Variants in PLEC observed in about 807,000 individuals in gnomAD.
PLEC encodes the protein plectin, also known as hemidesmosomal protein 1.
In PLEC, 216 loss-of-function variants were observed where a neutral mutation model predicts 392.8. The observed-to-expected ratio is 0.55, with a 90% CI of 0.49 to 0.62. PLEC has a LOEUF of 0.62. Ranked by LOEUF, PLEC falls within the 20% of genes least tolerant of loss-of-function variation. The pLI, the probability that PLEC is intolerant of heterozygous loss-of-function variation, is 0.00. For synonymous variants in PLEC, 3,621 were observed against 2,980.6 expected, an observed-to-expected ratio of 1.21 and a Z score of -7.00; for missense variants, 6,863 against 6,563.4, an observed-to-expected ratio of 1.05 and a Z score of -1.58.
At chr8:143,961,061 A>C (rs782457429) in intron 1 of PLEC, among the ~76,000 whole-genome samples, 3 of 152,212 alleles carry the variant, frequency 2.0e-5, no homozygotes, top group Non-Finnish European at 4.4e-5. Flanking sequence ...TCGGACACAC[A>C]CTGCGCGTTT....
rs1554676310 is a variant in PLEC, at chr8:143,918,820, C to A, written c.11001G>T (p.Arg3667=). 6.2e-7 allele frequency: 1 copy of A among 1,613,222 alleles called. No individual in the cohort carries two copies. The highest frequency in any genetic ancestry group is 1.3e-5 in the African/African-American group (1 of 75,068). The change falls in exon 32 of 32, where the codon CGG becomes CGT. Residue 3667 remains arginine (R), a synonymous_variant. Transcript: ENST00000345136. ...IISLETYNLL[R]EGTRSLREAL... ...CCTCACGGAGGCTCCTGGTGCCCTC[C>A]CGGAGCAGGTTGTAGGTCTCGAGAG...
rs1309847765 is a variant in PLEC, at chr8:143,937,032, C to T, written c.382G>A (p.Gly128Ser). The change falls in exon 5 of 32, where the codon GGC (glycine) becomes AGC (serine). Residue 128 changes from glycine to serine, a missense_variant. Transcript: ENST00000345136. ...VNIRNDDIAD[G>S]NPKLTLGLIW... Reference sequence around the variant, plus strand: ...AGGCCAAGGGTCAGCTTGGGGTTGCCGTCAGCGATGTCATCATTCCTGATG... The same window carrying T: ...AGGCCAAGGGTCAGCTTGGGGTTGCTGTCAGCGATGTCATCATTCCTGATG... The T allele has an allele frequency of 8.1e-6, 13 of 1,612,992 alleles. No homozygotes were observed. The highest frequency in any genetic ancestry group is 1.7e-5 in the Admixed American group (1 of 59,990).
At position 143,920,542 on chromosome 8, in the gene PLEC, C is replaced by T. The variant is rs1822247314; in HGVS notation, c.9279G>A (p.Glu3093=). ...RAGLVGPEFH[E]KLLSAEKAVT... ...CAGCCTTCTCGGCTGATAGCAGCTT[C>T]TCATGAAACTCGGGGCCCACCAGGC... Residue 3093 remains glutamate (E), a synonymous_variant, in exon 32 of 32, where the codon GAG becomes GAA. Coordinates refer to ENST00000345136, the MANE Select transcript of PLEC (RefSeq NM_201384.3). 8 of 1,611,544 alleles carry T rather than the reference C, an allele frequency of 5.0e-6. No homozygotes were observed. The highest frequency in any genetic ancestry group is 1.1e-5 in the South Asian group (1 of 91,038).
Position 143,919,666 on chromosome 8 carries a change from A to G in PLEC, c.10155T>C (p.Ala3385=), listed in dbSNP as rs1554678983. The stretch of plus-strand genomic sequence containing the variant: ...CCGCCTGCGCCTCCAGCAGGAGCGC[A>G]GCCGTTGTGGCTCTCAGCAGGCCCC... The part of the protein sequence containing the change: ...MRRGLLRATT[A]ALLLEAQAAT... The change falls in exon 32 of 32, where the codon GCT becomes GCC. Residue 3385 remains alanine (A), a synonymous_variant. Coordinates refer to ENST00000345136, the MANE Select transcript of PLEC (RefSeq NM_201384.3). The G allele has an allele frequency of 5.6e-6, 9 of 1,596,516 alleles. No homozygotes were observed. Among genetic ancestry groups the G allele is most frequent in the Non-Finnish European group, 7.7e-6 (9 of 1,173,262 alleles).
At position 143,938,808 on chromosome 8, in the gene PLEC, A is replaced by G. The variant is rs375192239; in HGVS notation, c.113-116T>C. The G allele has an allele frequency of 1.2e-4, 108 of 865,704 alleles. No individual in the cohort carries two copies. In the African/African-American group the frequency reaches 1.5e-3, roughly 12 times the overall value. The allele number at this position is 865,704 out of a possible 1,614,324, so 53.6% of individuals were successfully genotyped here. On this transcript the variant is annotated intron_variant, in intron 1 of 31. Coordinates refer to ENST00000345136, the MANE Select transcript of PLEC (RefSeq NM_201384.3). ...CCAGGTCCTGCCTGGGGAGCCCCAA[A>G]GCCTCCCTCAGATCACACACTGAGA...
At chr8:143,943,707 G>A (rs1830922201), upstream of PLEC, 3 of 1,391,462 alleles carry the variant, frequency 2.2e-6, no homozygotes, top group East Asian at 2.4e-5. Context: ...AGGGCGCAGG[G>A]AATGAAGGGG....
rs1554679402 is a variant in PLEC, at chr8:143,919,770, G to A, written c.10051C>T (p.Leu3351=). ...LSELGSVRTL[L]QGSGCLAGIY... ...CCGGCGAGGCAGCCACTGCCCTGCA[G>A]CAGCGTCCGCACGGAGCCCAGCTCC... The change falls in exon 32 of 32, where the codon CTG becomes TTG. Residue 3351 remains leucine (L), a synonymous_variant. Coordinates refer to ENST00000345136, the MANE Select transcript of PLEC (RefSeq NM_201384.3). The A allele has an allele frequency of 6.2e-7, 1 of 1,611,422 alleles. No homozygotes were observed. Among genetic ancestry groups the A allele is most frequent in the Admixed American group, 1.7e-5 (1 of 60,004 alleles).
At chr8:143,971,153 T>TG (rs1554744210) in intron 1 of PLEC, among the ~76,000 whole-genome samples, 1 of 148,792 alleles carries the variant, frequency 6.7e-6, no homozygotes, top group Non-Finnish European at 1.5e-5. Context: ...CGTTGTGGGG[T>TG]GGGGGGTGAA....
At position 143,973,308 on chromosome 8, in the gene PLEC, G is replaced by A. The variant is rs529927903; in HGVS notation, c.70+95C>T. The A allele has an allele frequency of 3.4e-6, 5 of 1,465,222 alleles. No homozygotes were observed. Among genetic ancestry groups the A allele is most frequent in the East Asian group, 5.3e-5 (2 of 37,496 alleles). 90.8% of individuals were successfully genotyped at this position (1,465,222 alleles called of 1,614,324 possible). On this transcript the variant is annotated intron_variant, in intron 1 of 31. Transcript: ENST00000356346. The surrounding 1 kb of genome is among the most constrained non-coding windows in gnomAD (Gnocchi z 5.6). ...CGAGGCCGGCGGAGTGGCCGCGCTC[G>A]GGCCGGCGATCGGGACCGCCACCGT...
chr8:143,926,768 G>C lies in PLEC; in HGVS notation c.4044+16C>G. ...AGATGGAACCCTCTGCCCAGCCTCC[G>C]CCCAACGGGCTGTACCTCCTCCTCC... On this transcript the variant is annotated intron_variant, in intron 30 of 31. Coordinates refer to ENST00000345136, the MANE Select transcript of PLEC (RefSeq NM_201384.3). 2 of 1,602,622 alleles carry C rather than the reference G, an allele frequency of 1.2e-6. No homozygotes were observed. Among genetic ancestry groups the C allele is most frequent in the Non-Finnish European group, 1.7e-6 (2 of 1,170,062 alleles).
intron 25 of PLEC, among the ~76,000 whole-genome samples, 190 bp from the exon 26 acceptor site, chr8:143,928,182 C>T (rs968333624): frequency 3.7e-4 from 57 of 152,354 alleles, no homozygotes; most frequent in African/African-American, 1.3e-3. Flanking sequence ...GGTTGGGAGC[C>T]TCTGTAACAC....
At chr8:143,974,520 C>G (rs974607052), upstream of PLEC, among the ~76,000 whole-genome samples, 2 of 152,266 alleles carry the variant, frequency 1.3e-5, no homozygotes, top group Admixed American at 1.3e-4. This position sits in a 1 kb window ranked among gnomAD's most constrained non-coding sequence, Gnocchi z 5.9. Flanking sequence ...CGCTTCCCGT[C>G]GTCTGCAACA....
In PLEC at chr8:143,973,474, C is replaced by A; in HGVS notation, c.-2G>T. 4 of 1,508,596 alleles carry A rather than the reference C, an allele frequency of 2.7e-6. No individual in the cohort carries two copies. Among genetic ancestry groups the A allele is most frequent in the South Asian group, 1.2e-5 (1 of 80,562 alleles). The allele number at this position is 1,508,596 out of a possible 1,614,324, so 93.5% of individuals were successfully genotyped here. A position where few individuals can be genotyped will look rare whatever the true frequency, so the allele number is the denominator to read the frequency against. ...CTCGTCGGGCAGCGGGCCGGCCATG[C>A]CGGCGGGCGCGGGGCGCGGGGTGCA... is the stretch of plus-strand genomic sequence containing the variant. On this transcript the variant is annotated 5_prime_UTR_variant, in exon 1 of 32. Coordinates refer to the PLEC transcript ENST00000356346. This position sits in a 1 kb window ranked among gnomAD's most constrained non-coding sequence, Gnocchi z 5.6.
chr8:143,919,382 C>T lies in PLEC; in HGVS notation c.10439G>A (p.Ser3480Asn), dbSNP rs1554678095. 1.2e-6 allele frequency: 2 copies of T among 1,613,722 alleles called. No homozygotes were observed. Among genetic ancestry groups the T allele is most frequent in the Non-Finnish European group, 1.7e-6 (2 of 1,180,014 alleles). The stretch of plus-strand genomic sequence containing the variant: ...GGCCACGTCCACAGGCACGCGGTGG[C>T]TGTGCACGGGGTCGATGATGCCGCC... ...ATGGIIDPVH[S>N]HRVPVDVAYQ... is the part of the protein sequence containing the mutation. The change falls in exon 32 of 32, where the codon AGC (serine) becomes AAC (asparagine). Residue 3480 changes from serine (S) to asparagine (N), a missense_variant. Physicochemically the swap from Ser to Asn is conservative, Grantham distance 46. Coordinates refer to ENST00000345136, the MANE Select transcript of PLEC (RefSeq NM_201384.3).
Position 143,922,736 on chromosome 8 carries a change from C to G in PLEC, c.7193G>C (p.Arg2398Pro), listed in dbSNP as rs368343687. The stretch of plus-strand genomic sequence containing the variant: ...GAAGCGCTGGGCGTCCTCCTCAGCG[C>G]GGGCCTGGGCTCGGCTCATCTCGGC... ...RVAEMSRAQA[R>P]AEEDAQRFRK... is the part of the protein sequence containing the mutation. The change falls in exon 31 of 32, where the codon CGC (arginine) becomes CCC (proline). Residue 2398 changes from arginine (R) to proline (P), a missense_variant. By Grantham distance (103) the Arg-to-Pro change is moderately radical. Coordinates refer to ENST00000345136, the MANE Select transcript of PLEC (RefSeq NM_201384.3). The G allele has an allele frequency of 1.2e-6, 2 of 1,611,022 alleles. No individual in the cohort carries two copies. The highest frequency in any genetic ancestry group is 1.7e-6 in the Non-Finnish European group (2 of 1,179,652).
In PLEC at chr8:143,925,807, C is replaced by T; in HGVS notation, c.4122G>A (p.Gln1374=). Residue 1374 remains glutamine (Q), a synonymous_variant, in exon 31 of 32, where the codon CAG becomes CAA. Coordinates refer to ENST00000345136, the MANE Select transcript of PLEC (RefSeq NM_201384.3). ...TTGCCTGGGCGTGCGCCTCGGCCAG[C>T]TGCCGCTGCTTCTCCAGCGCGGCCT... is the stretch of plus-strand genomic sequence containing the variant. ...EVEAALEKQR[Q]LAEAHAQAKA... 1 of 1,568,480 alleles carries T rather than the reference C, an allele frequency of 6.4e-7. No individual in the cohort carries two copies. Among genetic ancestry groups the T allele is most frequent in the Non-Finnish European group, 8.6e-7 (1 of 1,164,782 alleles).
chr8:143,968,306 C>T (rs147009472), intron 1 of PLEC, among the ~76,000 whole-genome samples: 2,339 of 151,824 alleles, frequency 0.015, 27 homozygotes, highest in Non-Finnish European at 0.026. Flanking sequence ...AAGGACACCA[C>T]CGGCCAGGTG....
Position 143,918,888 on chromosome 8 carries a change from G to A in PLEC, c.10933C>T (p.Arg3645Cys), listed in dbSNP as rs782194334. 1.3e-4 allele frequency: 204 copies of A among 1,612,116 alleles called. 1 individual carries two copies. Among genetic ancestry groups the A allele is most frequent in the African/African-American group, 1.9e-4 (14 of 74,932 alleles). Residue 3645 changes from arginine (R) to cysteine (C), a missense_variant, in exon 32 of 32, where the codon CGC (arginine) becomes TGC (cysteine). Transcript: ENST00000345136. ...AACAGGTCCTCAGCCGTGAGGCGGC[G>A]GCGCACGTAGTCGTAGGAGGCCAGA... is the stretch of plus-strand genomic sequence containing the variant. Reference protein sequence around the residue: ...QGLASYDYVRRRLTAEDLFEA... With the variant: ...QGLASYDYVRCRLTAEDLFEA...
intron 11 of PLEC, 37 bp downstream of exon 11, chr8:143,934,281 T>C: frequency 1.2e-6 from 2 of 1,609,746 alleles, no homozygotes; most frequent in Non-Finnish European, 1.7e-6. Context: ...TGACACACCC[T>C]CGGGTGGTTC....
Sources: allele counts gnomAD v4.1 joint callset (sites outside exome capture counted in the v4.1 genomes callset), GRCh38; gene constraint gnomAD v4.1.1; non-coding constraint Gnocchi (gnomAD v3.1); transcripts MANE v1.5; gene names NCBI Gene and HGNC (gene_info 2026-07-23, HGNC 2026-07-21).